Variants in NALCN observed in about 807,000 individuals in gnomAD.
The protein encoded by NALCN is sodium leak channel NALCN.
In NALCN, 111 loss-of-function variants were observed where a neutral mutation model predicts 225.3. The ratio of observed to expected loss-of-function variants is 0.49; its 90% CI spans 0.42 to 0.58. The LOEUF (loss-of-function observed/expected upper bound fraction) is 0.58, where lower values mean the gene tolerates loss of function less well. Ranked by LOEUF, NALCN falls within the 20% of genes least tolerant of loss-of-function variation. The pLI, the probability that NALCN is intolerant of heterozygous loss-of-function variation, is 0.00. For synonymous variants in NALCN, 764 were observed against 769.0 expected, an observed-to-expected ratio of 0.99 and a Z score of 0.11; for missense variants, 1,378 against 2,202.4, an observed-to-expected ratio of 0.63 and a Z score of 7.49.
rs184835899 is a variant in NALCN, at chr13:101,054,971, T to C, written c.*324A>G. ...CTCTTTTGCGGGGCGGTGATAATAC[T>C]GCATTAGAGCACATATGAATATATA... On this transcript the variant is annotated 3_prime_UTR_variant, in exon 44 of 44. Coordinates refer to ENST00000251127, the MANE Select transcript of NALCN (RefSeq NM_052867.4). 52 of 232,598 alleles carry C rather than the reference T, an allele frequency of 2.2e-4. 1 individual carries two copies. In the Admixed American group the frequency reaches 2.5e-3, roughly 11 times the overall value. The allele number at this position is 232,598 out of a possible 1,614,324, so 14.4% of individuals were successfully genotyped here. A position where few individuals can be genotyped will look rare whatever the true frequency, so the allele number is the denominator to read the frequency against.
intron 13 of NALCN, among the ~76,000 whole-genome samples, chr13:101,222,003 C>T (rs999397215): frequency 2.0e-5 from 3 of 152,124 alleles, no homozygotes; most frequent in Non-Finnish European, 2.9e-5. Context: ...TCATCTAAAA[C>T]GTGCCTTATT....
chr13:101,107,908 C>T (rs1219697764), intron 20 of NALCN, 119 bp from the exon 21 acceptor site: 1 of 433,534 alleles, frequency 2.3e-6, no homozygotes, highest in Non-Finnish European at 3.8e-6. Flanking sequence ...ATATTAATTA[C>T]ATATATTTAC....
chr13:101,236,192 G>A (rs1447064674), intron 12 of NALCN, among the ~76,000 whole-genome samples: 2 of 152,228 alleles, frequency 1.3e-5, no homozygotes, highest in Middle Eastern at 3.4e-3. Context: ...TCAGAGAAAC[G>A]CAAATGAAAA....
chr13:101,143,254 T>A (rs746655450), intron 16 of NALCN, 33 bp from the exon 17 acceptor site: 2 of 1,565,946 alleles, frequency 1.3e-6, no homozygotes, highest in South Asian at 1.2e-5. Flanking sequence ...CATCAGGCAT[T>A]ATTAGTGGAA....
intron 34 of NALCN, among the ~76,000 whole-genome samples, chr13:101,080,382 T>A (rs1319068058): frequency 2.0e-5 from 3 of 151,990 alleles, no homozygotes; most frequent in Non-Finnish European, 4.4e-5. Context: ...GATACAAGGA[T>A]ACTACTTATC....
intron 43 of NALCN, chr13:101,057,689 C>A: frequency 2.0e-6 from 1 of 492,056 alleles, no homozygotes; most frequent in Non-Finnish European, 3.6e-6. Context: ...TTGTCTTTTT[C>A]ATAGGTGCTG....
intron 17 of NALCN, among the ~76,000 whole-genome samples, chr13:101,134,905 CTA>C (rs962033762): frequency 5.3e-5 from 8 of 152,130 alleles, no homozygotes; most frequent in Non-Finnish European, 1.2e-4. Context: ...TGATAAGAAA[CTA>C]TAAATGCCCG....
intron 22 of NALCN, among the ~76,000 whole-genome samples, chr13:101,107,162 T>C (rs890696892): frequency 2.0e-5 from 3 of 152,230 alleles, no homozygotes; most frequent in Non-Finnish European, 2.9e-5. Flanking sequence ...ACCATGTCCT[T>C]TAGTCTCCTT....
intron 28 of NALCN, among the ~76,000 whole-genome samples, chr13:101,093,591 C>T (rs935942977): frequency 6.6e-6 from 1 of 152,164 alleles, no homozygotes; most frequent in Non-Finnish European, 1.5e-5. Context: ...CCTAATAATA[C>T]CTTCCATAAA....
intron 10 of NALCN, among the ~76,000 whole-genome samples, chr13:101,271,044 G>T (rs1393434157): frequency 1.3e-5 from 2 of 152,132 alleles, no homozygotes; most frequent in Non-Finnish European, 2.9e-5. Context: ...GATTCAAACT[G>T]GAGGATGAAA....
At chr13:101,288,379 G>T (rs1455771028) in intron 9 of NALCN, among the ~76,000 whole-genome samples, 1 of 152,188 alleles carries the variant, frequency 6.6e-6, no homozygotes, top group Non-Finnish European at 1.5e-5. Context: ...TAAGTTATAT[G>T]TAGCTTTCTT....
At chr13:101,342,708 T>G (rs373983457) in intron 7 of NALCN, among the ~76,000 whole-genome samples, 49 of 152,314 alleles carry the variant, frequency 3.2e-4, no homozygotes, top group African/African-American at 1.1e-3. Flanking sequence ...ACATGAAAAT[T>G]TCATTTCTGT....
intron 7 of NALCN, among the ~76,000 whole-genome samples, chr13:101,332,397 C>CAAAAAAA (rs753158247): frequency 6.2e-4 from 36 of 57,782 alleles, no homozygotes; most frequent in South Asian, 7.3e-4. Flanking sequence ...TTCACAAAGC[C>CAAAAAAA]AAAAAAAAAA....
chr13:101,126,471 C>T (rs1410274964), intron 17 of NALCN, among the ~76,000 whole-genome samples: 1 of 151,502 alleles, frequency 6.6e-6, no homozygotes. Flanking sequence ...CTTCTCCCCT[C>T]CTGAAAGAGT....
chr13:101,087,427 A>G (rs1006345578), intron 30 of NALCN, among the ~76,000 whole-genome samples: 10 of 151,560 alleles, frequency 6.6e-5, no homozygotes, highest in African/African-American at 2.4e-4. Context: ...CATCTGTTGA[A>G]TGATTGAATA....
At chr13:101,254,956 A>G (rs1177920295) in intron 11 of NALCN, among the ~76,000 whole-genome samples, 2 of 151,974 alleles carry the variant, frequency 1.3e-5, no homozygotes, top group Non-Finnish European at 2.9e-5. Flanking sequence ...TAATGTACCA[A>G]TGTGATGAAC....
Position 101,292,281 on chromosome 13 carries a change from A to G in NALCN, c.885T>C (p.Arg295=), listed in dbSNP as rs2043583748. 6.2e-6 allele frequency: 10 copies of G among 1,614,132 alleles called. No homozygotes were observed. Among genetic ancestry groups the G allele is most frequent in the Middle Eastern group, 1.6e-4 (1 of 6,062 alleles). Residue 295 remains arginine, a synonymous_variant, in exon 8 of 44, where the codon CGT becomes CGC. Coordinates refer to ENST00000251127, the MANE Select transcript of NALCN (RefSeq NM_052867.4). The surrounding 1 kb of genome is among the most constrained non-coding windows in gnomAD (Gnocchi z 4.3). ...TGATGAAATAGAAGTAGGAACGCCA[A>G]CGGGGAAAGCTGTCAATTGCTCTGT... ...LMYRAIDSFP[R]WRSYFYFITL...
intron 1 of NALCN, among the ~76,000 whole-genome samples, chr13:101,415,922 GC>G (rs983336371): frequency 3.3e-5 from 5 of 152,106 alleles, no homozygotes; most frequent in African/African-American, 1.2e-4. Context: ...TCAGCCACCT[GC>G]CCCCCAACAC....
intron 14 of NALCN, among the ~76,000 whole-genome samples, chr13:101,188,850 C>T (rs1299297845): frequency 6.6e-6 from 1 of 151,786 alleles, no homozygotes; most frequent in East Asian, 1.9e-4. Context: ...CCATGCCTGG[C>T]TAATATTTTG....
Sources: gnomAD v4.1 joint callset for allele counts (sites outside exome capture counted in the v4.1 genomes callset) on GRCh38, gnomAD v4.1.1 for gene constraint, Gnocchi (gnomAD v3.1) non-coding constraint, MANE v1.5 for transcripts, NCBI Gene and HGNC (gene_info 2026-07-23, HGNC 2026-07-21) for gene names.